Variants in AMPD2 observed in about 807,000 individuals in gnomAD.
AMPD2 encodes the protein adenosine monophosphate deaminase 2, also known as AMP deaminase 2.
AMPD2 carries 52 observed loss-of-function variants against 91.3 expected under a neutral mutation model. The observed-to-expected ratio is 0.57, with a 90% CI of 0.46 to 0.72. AMPD2 has a LOEUF of 0.72. AMPD2 is among the 30% of genes least tolerant of loss of function. The pLI is 0.00. For missense variants in AMPD2, 822 were observed against 1,122.3 expected (o/e 0.73, Z 3.82); for synonymous variants, 455 against 456.4 (o/e 1.00, Z 0.04).
chr1:109,626,354 G>A lies in AMPD2; in HGVS notation c.458G>A (p.Arg153Gln), dbSNP rs1190354546. 34 of 1,612,152 alleles carry A rather than the reference G, an allele frequency of 2.1e-5. No individual in the cohort carries two copies. The highest frequency in any genetic ancestry group is 1.1e-4 in the East Asian group (5 of 44,860). ...GAACAGGGTGAGGGGCAGGGTGACC[G>A]GAGCCTGCGGGAGCGTGATGTGCTG... Reference protein sequence around the residue: ...YKEQGEGQGDRSLRERDVLER... With the variant: ...YKEQGEGQGDQSLRERDVLER... The change falls in exon 6 of 19, where the codon CGG becomes CAG. Residue 153 changes from arginine to glutamine, a missense_variant. By Grantham distance (43) the Arg-to-Gln change is conservative. Coordinates refer to ENST00000528667, the MANE Select transcript of AMPD2 (RefSeq NM_001368809.2).
Position 109,620,135 on chromosome 1 carries a change from C to T in AMPD2, c.-406C>T. On this transcript the variant is annotated 5_prime_UTR_variant, in exon 1 of 19. Transcript: ENST00000528667. ...TGAAAGACTGCCTTACTTTCCCCATCTCAGTGCCAGGGCAGGGGCCCTTGG... is the reference window on the plus strand; with the variant it reads ...TGAAAGACTGCCTTACTTTCCCCATTTCAGTGCCAGGGCAGGGGCCCTTGG... The T allele has an allele frequency of 7.9e-7, 1 of 1,272,612 alleles. No individual in the cohort carries two copies. Among genetic ancestry groups the T allele is most frequent in the East Asian group, 2.3e-5 (1 of 42,600 alleles). 78.8% of individuals were successfully genotyped at this position (1,272,612 alleles called of 1,614,324 possible).
In AMPD2 at chr1:109,625,504, C is replaced by T. The variant is rs1650591781; in HGVS notation, c.222+71C>T. The T allele has an allele frequency of 1.2e-6, 2 of 1,606,236 alleles. No homozygotes were observed. The highest frequency in any genetic ancestry group is 1.7e-5 in the Admixed American group (1 of 59,742). On this transcript the variant is annotated intron_variant, in intron 3 of 18. Coordinates refer to ENST00000528667, the MANE Select transcript of AMPD2 (RefSeq NM_001368809.2). This position sits in a 1 kb window ranked among gnomAD's most constrained non-coding sequence, Gnocchi z 4.0. The stretch of plus-strand genomic sequence containing the variant: ...CTGCCTCTGCTCCCCACACCCCTCA[C>T]CTCAAGCTGTCCCCTCACCTCACGC...
intron 2 of AMPD2, among the ~76,000 whole-genome samples, chr1:109,621,708 C>T (rs1389097227): frequency 6.6e-6 from 1 of 152,232 alleles, no homozygotes; most frequent in Non-Finnish European, 1.5e-5. Flanking sequence ...GACCCCACAT[C>T]TAGATCCCCC....
At position 109,626,878 on chromosome 1, in the gene AMPD2, C is replaced by T; in HGVS notation, c.684C>T (p.Thr228=). Residue 228 remains threonine, a synonymous_variant, in exon 7 of 19, where the codon ACC becomes ACT. Transcript: ENST00000528667. The stretch of plus-strand genomic sequence containing the variant: ...CTGAAAAGCCTCTGGAGACCCGGAC[C>T]TATGAACAGGGCCCCGACACCCCTG... The part of the protein sequence containing the change: ...QLAEKPLETR[T]YEQGPDTPVS... 6.2e-7 allele frequency: 1 copy of T among 1,613,770 alleles called. No individual in the cohort carries two copies. The highest frequency in any genetic ancestry group is 8.5e-7 in the Non-Finnish European group (1 of 1,179,844).
At chr1:109,623,973 T>A (rs1650445162) in intron 2 of AMPD2, 1 of 985,066 alleles carries the variant, frequency 1.0e-6, no homozygotes. Context: ...TCTCCCCTGC[T>A]TGCAGCTGCA....
chr1:109,620,945 G>T lies in AMPD2; in HGVS notation c.-231G>T. The T allele has an allele frequency of 6.6e-7, 1 of 1,520,384 alleles. No homozygotes were observed. The highest frequency in any genetic ancestry group is 8.8e-7 in the Non-Finnish European group (1 of 1,135,378). 94.2% of individuals were successfully genotyped at this position (1,520,384 alleles called of 1,614,324 possible). On this transcript the variant is annotated 5_prime_UTR_variant, in exon 2 of 19. Coordinates refer to ENST00000528667, the MANE Select transcript of AMPD2 (RefSeq NM_001368809.2). ...CCACCATCAGTCACGTCACTCCTGG[G>T]ACTGAGGAGGCAGGGGAGGGATAAG...
In AMPD2 at chr1:109,629,814, G is replaced by T; in HGVS notation, c.1881G>T (p.Thr627=). Residue 627 remains threonine, a synonymous_variant, in exon 16 of 19, where the codon ACG becomes ACT. Coordinates refer to ENST00000528667, the MANE Select transcript of AMPD2 (RefSeq NM_001368809.2). ...CCCCCAGGCAGAGGGGCTTCCACACGTTTGTGCTGAGGCCACACTGTGGGG... is the reference window on the plus strand; with the variant it reads ...CCCCCAGGCAGAGGGGCTTCCACACTTTTGTGCTGAGGCCACACTGTGGGG... ...NHLRRQRGFH[T]FVLRPHCGEA... is the part of the protein sequence containing the mutation. 6.2e-7 allele frequency: 1 copy of T among 1,607,356 alleles called. No individual in the cohort carries two copies. Among genetic ancestry groups the T allele is most frequent in the Non-Finnish European group, 8.5e-7 (1 of 1,175,520 alleles).
chr1:109,627,360 G>A, intron 8 of AMPD2, 44 bp downstream of exon 8: 1 of 1,613,054 alleles, frequency 6.2e-7, no homozygotes, highest in Non-Finnish European at 8.5e-7. Context: ...AGCGTGGGAG[G>A]TTGCGTTGGC....
chr1:109,631,528 AG>A lies in AMPD2; in HGVS notation c.*379del. 6.0e-6 allele frequency: 2 copies of A among 335,782 alleles called. No homozygotes were observed. Among genetic ancestry groups the A allele is most frequent in the Non-Finnish European group, 5.7e-6 (1 of 176,640 alleles). The allele number at this position is 335,782 out of a possible 1,614,324, so 20.8% of individuals were successfully genotyped here. A position where few individuals can be genotyped will look rare whatever the true frequency, so the allele number is the denominator to read the frequency against. On this transcript the variant is annotated 3_prime_UTR_variant, in exon 19 of 19. Transcript: ENST00000528667. ...TCCTGGGCAAATCTAAGCCTTGGCC[AG>A]GGCCGAAGTTTAGGCCCCTGTCTTG...
intron 18 of AMPD2, 58 bp from the exon 19 acceptor site, chr1:109,630,885 T>C (rs1651190482): frequency 1.2e-6 from 2 of 1,603,894 alleles, no homozygotes; most frequent in Non-Finnish European, 1.7e-6. Context: ...TGGCTTGGGG[T>C]GGGGCATGAC....
At chr1:109,630,596 G>A (rs1651145447) in intron 17 of AMPD2, 87 bp from the exon 18 acceptor site, 5 of 1,053,024 alleles carry the variant, frequency 4.7e-6, no homozygotes, top group South Asian at 1.5e-5. Flanking sequence ...GGGGGCGGGG[G>A]TGGGGAGAGT....
intron 1 of AMPD2, 199 bp from the exon 2 acceptor site, chr1:109,620,715 A>C: frequency 2.5e-6 from 3 of 1,215,232 alleles, no homozygotes; most frequent in East Asian, 3.7e-5. Flanking sequence ...TTGAGCTTGG[A>C]CTCGCTCGCT....
rs1016495237 is a variant in AMPD2, at chr1:109,624,129, G to T, written c.92-1174G>T. The T allele has an allele frequency of 3.1e-5, 30 of 960,852 alleles. No individual in the cohort carries two copies. Among genetic ancestry groups the T allele is most frequent in the Non-Finnish European group, 3.6e-5 (29 of 807,616 alleles). 59.5% of individuals were successfully genotyped at this position (960,852 alleles called of 1,614,324 possible). A position where few individuals can be genotyped will look rare whatever the true frequency, so the allele number is the denominator to read the frequency against. On this transcript the variant is annotated intron_variant, in intron 2 of 18. Coordinates refer to ENST00000528667, the MANE Select transcript of AMPD2 (RefSeq NM_001368809.2). This position sits in a 1 kb window ranked among gnomAD's most constrained non-coding sequence, Gnocchi z 5.2. ...GGGGCCGGGGTGCGCAGGGGACGGG[G>T]TCCTGGATCTGGGGCAGGCCCCTCC...
At chr1:109,623,451 C>T (rs1365084104) in intron 2 of AMPD2, among the ~76,000 whole-genome samples, 1 of 152,172 alleles carries the variant, frequency 6.6e-6, no homozygotes, top group Non-Finnish European at 1.5e-5. Flanking sequence ...TGCGAACCAG[C>T]CCCCTGAGCA....
chr1:109,622,083 C>A, intron 2 of AMPD2: 1 of 400,508 alleles, frequency 2.5e-6, no homozygotes, highest in Non-Finnish European at 5.1e-6. Context: ...AAAGACCCAC[C>A]CTGACTTTGA....
At chr1:109,626,689 A>C in intron 6 of AMPD2, 37 bp from the exon 7 acceptor site, 1 of 1,593,270 alleles carries the variant, frequency 6.3e-7, no homozygotes, top group Non-Finnish European at 8.6e-7. Flanking sequence ...CTCTGAGTCC[A>C]AGACTGAGGA....
intron 18 of AMPD2, 48 bp from the exon 19 acceptor site, chr1:109,630,895 C>T: frequency 1.9e-6 from 3 of 1,608,184 alleles, no homozygotes; most frequent in Non-Finnish European, 2.6e-6. Flanking sequence ...TGGGGCATGA[C>T]CCCTCAGCAC....
At chr1:109,626,568 C>A in intron 6 of AMPD2, 141 bp downstream of exon 6, 1 of 1,299,800 alleles carries the variant, frequency 7.7e-7, no homozygotes, top group South Asian at 1.4e-5. Flanking sequence ...GAGGGGCTGC[C>A]TAGGAGCCAC....
At position 109,625,625 on chromosome 1, in the gene AMPD2, A is replaced by G. The variant is rs773094090; in HGVS notation, c.223-37A>G. The G allele has an allele frequency of 6.2e-6, 10 of 1,609,824 alleles. 1 individual carries two copies. In the South Asian group the frequency reaches 9.9e-5, roughly 16 times the overall value. Reference sequence around the variant, plus strand: ...TCTGTAGGAGAGTGCCCGAGGGCGGAGGGCCAGCCATGCTGACCTTCCTTC... The same window carrying G: ...TCTGTAGGAGAGTGCCCGAGGGCGGGGGGCCAGCCATGCTGACCTTCCTTC... On this transcript the variant is annotated intron_variant, in intron 3 of 18. Coordinates refer to ENST00000528667, the MANE Select transcript of AMPD2 (RefSeq NM_001368809.2). This position sits in a 1 kb window ranked among gnomAD's most constrained non-coding sequence, Gnocchi z 4.0.
Sources: allele counts gnomAD v4.1 joint callset (sites outside exome capture counted in the v4.1 genomes callset), GRCh38; gene constraint gnomAD v4.1.1; non-coding constraint Gnocchi (gnomAD v3.1); transcripts MANE v1.5; gene names NCBI Gene and HGNC (gene_info 2026-07-23, HGNC 2026-07-21).